GRID2: variants seen among roughly 807,000 people sequenced by gnomAD.
GRID2 encodes the protein glutamate receptor ionotropic, delta-2.
A neutral mutation model predicts 114.8 loss-of-function variants in GRID2; 33 were observed. The ratio of observed to expected loss-of-function variants is 0.29; its 90% confidence interval spans 0.22 to 0.38. The LOEUF is 0.38. Ranked by LOEUF, GRID2 falls within the 10% of genes least tolerant of loss-of-function variation. GRID2 has a pLI of 1.00. For missense variants in GRID2, 1,184 were observed against 1,257.7 expected (o/e 0.94, Z 0.89); for synonymous variants, 505 against 449.9 (o/e 1.12, Z -1.55).
chr4:93,686,889 A>G (rs76922633), intron 14 of GRID2, among the ~76,000 whole-genome samples: 6,254 of 152,074 alleles, frequency 0.041, 195 homozygotes, highest in African/African-American at 0.081. Context: ...AGGCCACTAT[A>G]AGGATACTGG....
intron 2 of GRID2, among the ~76,000 whole-genome samples, chr4:92,920,779 C>T (rs912895021): frequency 1.2e-4 from 18 of 152,186 alleles, no homozygotes; most frequent in African/African-American, 3.9e-4. Flanking sequence ...CTACCCTTAA[C>T]ATTTTTTCCT....
chr4:93,375,566 A>T (rs1185960757), intron 8 of GRID2, among the ~76,000 whole-genome samples: 1 of 151,938 alleles, frequency 6.6e-6, no homozygotes, highest in Admixed American at 6.6e-5. Context: ...TTCCCTCTGC[A>T]GTTTCCCCAG....
chr4:92,614,493 T>C (rs934625548), intron 2 of GRID2, among the ~76,000 whole-genome samples: 5 of 151,642 alleles, frequency 3.3e-5, no homozygotes, highest in African/African-American at 7.3e-5. Flanking sequence ...AATGGGTGCA[T>C]TGTTTAATTT....
chr4:92,362,379 A>G (rs984237780), intron 1 of GRID2, among the ~76,000 whole-genome samples: 4 of 152,050 alleles, frequency 2.6e-5, no homozygotes, highest in East Asian at 1.9e-4. Flanking sequence ...TTGCAAAATA[A>G]TGAAACATTT....
intron 2 of GRID2, among the ~76,000 whole-genome samples, chr4:92,896,689 G>T (rs1322642249): frequency 1.3e-5 from 2 of 152,134 alleles, no homozygotes; most frequent in Non-Finnish European, 2.9e-5. Context: ...TTTAAAAGCA[G>T]ATTCATTATG....
intron 1 of GRID2, among the ~76,000 whole-genome samples, chr4:92,391,010 T>C (rs1218309603): frequency 6.6e-6 from 1 of 152,168 alleles, no homozygotes; most frequent in African/African-American, 2.4e-5. Flanking sequence ...TTCTAGCAAA[T>C]AGTTTCCTTA....
intron 1 of GRID2, among the ~76,000 whole-genome samples, chr4:92,461,666 G>C (rs1721501826): frequency 6.6e-6 from 1 of 151,626 alleles, no homozygotes; most frequent in Non-Finnish European, 1.5e-5. Flanking sequence ...TTTTCTTCCT[G>C]ATCTCTTAAA....
chr4:93,773,800 C>T lies in GRID2; in HGVS notation c.*1302C>T, dbSNP rs1008119932. 1 of 152,126 alleles carries T rather than the reference C, an allele frequency of 6.6e-6. No homozygotes were observed. 9.4% of individuals were successfully genotyped at this position (152,126 alleles called of 1,614,324 possible). A position where few individuals can be genotyped will look rare whatever the true frequency, so the allele number is the denominator to read the frequency against. On this transcript the variant is annotated 3_prime_UTR_variant, in exon 16 of 16. Transcript: ENST00000282020. Reference sequence around the variant, plus strand: ...TAACCATAATGGGCTCTCAACTCAACTCCCTTTTTTATTTAGTTCTATTTG... The same window carrying T: ...TAACCATAATGGGCTCTCAACTCAATTCCCTTTTTTATTTAGTTCTATTTG...
chr4:92,636,856 C>T (rs1731089008), intron 2 of GRID2, among the ~76,000 whole-genome samples: 1 of 151,886 alleles, frequency 6.6e-6, no homozygotes, highest in South Asian at 2.1e-4. Context: ...AATCTGCTTT[C>T]TTATCACTTC....
intron 10 of GRID2, among the ~76,000 whole-genome samples, chr4:93,425,022 T>C (rs1186697159): frequency 6.6e-6 from 1 of 152,172 alleles, no homozygotes; most frequent in Non-Finnish European, 1.5e-5. Flanking sequence ...TGAAATAATT[T>C]TTACTTTTCT....
intron 1 of GRID2, among the ~76,000 whole-genome samples, chr4:92,473,641 G>T (rs1722149243): frequency 6.6e-6 from 1 of 151,930 alleles, no homozygotes. Context: ...GTCTATTTTG[G>T]TAAATATTCT....
intron 2 of GRID2, among the ~76,000 whole-genome samples, chr4:93,033,550 G>C (rs2048448): frequency 0.99 from 151,462 of 152,252 alleles, 75,341 homozygotes; most frequent in Middle Eastern, 1. Context: ...TTGCTCTCAT[G>C]ACTGATCTTA....
chr4:92,818,342 A>G (rs1741043808), intron 2 of GRID2, among the ~76,000 whole-genome samples: 1 of 152,150 alleles, frequency 6.6e-6, no homozygotes, highest in Non-Finnish European at 1.5e-5. Context: ...AGAGAGACTA[A>G]AAGTGTCATT....
chr4:92,900,833 CAAAAAAAAA>C (rs34089162), intron 2 of GRID2, among the ~76,000 whole-genome samples: 2 of 72,332 alleles, frequency 2.8e-5, no homozygotes, highest in Non-Finnish European at 5.2e-5. Flanking sequence ...GACTTCGTCT[CAAAAAAAAA>C]AAAAAAAAAA....
At chr4:92,444,681 AG>A (rs1733351638) in intron 1 of GRID2, among the ~76,000 whole-genome samples, 1 of 152,154 alleles carries the variant, frequency 6.6e-6, no homozygotes. Flanking sequence ...TAATGTAAAA[AG>A]GGGGCGTTTG....
At chr4:93,715,134 C>A (rs1249010059) in intron 14 of GRID2, among the ~76,000 whole-genome samples, 1 of 152,166 alleles carries the variant, frequency 6.6e-6, no homozygotes, top group African/African-American at 2.4e-5. Context: ...GGTCCAGTTT[C>A]AATTTTCTGC....
At chr4:92,327,393 C>T (rs1726654320) in intron 1 of GRID2, among the ~76,000 whole-genome samples, 1 of 151,738 alleles carries the variant, frequency 6.6e-6, no homozygotes, top group South Asian at 2.1e-4. Context: ...TGTGCCTTCT[C>T]AATCTCTAGT....
chr4:92,732,510 T>A (rs1287045406), intron 2 of GRID2, among the ~76,000 whole-genome samples: 4 of 152,034 alleles, frequency 2.6e-5, no homozygotes, highest in Non-Finnish European at 1.5e-5. Context: ...GAGTGATAAA[T>A]GTTAATAGAG....
At chr4:92,625,348 A>G (rs867382281) in intron 2 of GRID2, among the ~76,000 whole-genome samples, 16 of 151,982 alleles carry the variant, frequency 1.1e-4, no homozygotes, top group Middle Eastern at 3.4e-3. Flanking sequence ...AATCTAGCTT[A>G]AATCACTAAT....
Sources: gnomAD v4.1 joint callset for allele counts (sites outside exome capture counted in the v4.1 genomes callset) on GRCh38, gnomAD v4.1.1 for gene constraint, MANE v1.5 for transcripts, NCBI Gene and HGNC (gene_info 2026-07-23, HGNC 2026-07-21) for gene names.